Variants in PTPRD observed in about 807,000 individuals in gnomAD.
PTPRD encodes the protein protein tyrosine phosphatase receptor type D.
PTPRD carries 34 observed loss-of-function variants against 214.5 expected under a neutral mutation model. That is an observed-to-expected ratio of 0.16 (90% CI 0.12 to 0.21). PTPRD has a LOEUF of 0.21. PTPRD is among the 10% of genes least tolerant of loss of function. The pLI is 1.00. For missense variants in PTPRD, 2,545 were observed against 2,398.7 expected (o/e 1.06, Z -1.27); for synonymous variants, 1,128 against 845.7 (o/e 1.33, Z -5.79).
In PTPRD at chr9:10,219,413, T is replaced by G. The variant is rs543671929; in HGVS notation, c.-545+121550A>C. 1.1e-4 allele frequency among the ~76,000 whole-genome samples: 16 copies of G among 151,948 alleles called. No individual in the cohort carries two copies. In the South Asian group the frequency reaches 3.3e-3, roughly 31 times the overall value. ...AAGATTCTTTTTCCAGCCTGAGATT[T>G]GGGAGTTAATTTCTATTCATGCTGA... On this transcript the variant is annotated intron_variant, in intron 3 of 45. Coordinates refer to ENST00000381196, the MANE Select transcript of PTPRD (RefSeq NM_002839.4).
chr9:9,739,663 C>T, intron 6 of PTPRD, among the ~76,000 whole-genome samples: 1 of 151,336 alleles, frequency 6.6e-6, no homozygotes. Context: ...TGTTGATCCC[C>T]TCTGTTGTAT....
chr9:9,477,232 A>G (rs557646864), intron 8 of PTPRD, among the ~76,000 whole-genome samples: 69 of 152,332 alleles, frequency 4.5e-4, no homozygotes, highest in Non-Finnish European at 7.6e-4. Context: ...CTACTATTCA[A>G]CTGTAGTCAT....
At chr9:10,574,034 C>T (rs774635492) in intron 2 of PTPRD, among the ~76,000 whole-genome samples, 1 of 151,922 alleles carries the variant, frequency 6.6e-6, no homozygotes. Context: ...GGAAGAATTC[C>T]GAATGTTAAA....
chr9:9,270,705 T>C (rs2132758001), intron 9 of PTPRD, among the ~76,000 whole-genome samples: 1 of 151,522 alleles, frequency 6.6e-6, no homozygotes, highest in Non-Finnish European at 1.5e-5. Flanking sequence ...GGCTACTGTG[T>C]GTAGAATGGT....
At chr9:9,926,054 T>A (rs574158061) in intron 5 of PTPRD, among the ~76,000 whole-genome samples, 7 of 152,100 alleles carry the variant, frequency 4.6e-5, no homozygotes, top group Non-Finnish European at 8.8e-5. Context: ...TGGTCTAGAC[T>A]CCCAGGCTCA....
At chr9:10,074,585 T>G (rs981398059) in intron 3 of PTPRD, among the ~76,000 whole-genome samples, 7 of 152,156 alleles carry the variant, frequency 4.6e-5, no homozygotes, top group African/African-American at 1.7e-4. Flanking sequence ...CTATTTTCAC[T>G]TGATTTCATG....
At chr9:9,118,573 C>T (rs1187765996) in intron 10 of PTPRD, among the ~76,000 whole-genome samples, 17 of 152,098 alleles carry the variant, frequency 1.1e-4, no homozygotes, top group Admixed American at 1.1e-3. Flanking sequence ...CTGGAATCTT[C>T]CAGCATTACT....
chr9:10,452,482 CTTG>C (rs1217540611), intron 2 of PTPRD, among the ~76,000 whole-genome samples: 1 of 151,674 alleles, frequency 6.6e-6, no homozygotes, highest in Non-Finnish European at 1.5e-5. Context: ...CTCACCAAAA[CTTG>C]TTATCTTCTT....
chr9:10,335,692 A>G (rs77825208), intron 3 of PTPRD, among the ~76,000 whole-genome samples: 121 of 151,906 alleles, frequency 8.0e-4, no homozygotes, highest in Middle Eastern at 3.4e-3. Flanking sequence ...TGTAAAAGAG[A>G]TATCTGACAA....
At chr9:10,277,154 T>C (rs1362154771) in intron 3 of PTPRD, among the ~76,000 whole-genome samples, 2 of 152,082 alleles carry the variant, frequency 1.3e-5, no homozygotes, top group African/African-American at 4.8e-5. Flanking sequence ...TTAAGTCTTA[T>C]AAACTTGATC....
intron 3 of PTPRD, among the ~76,000 whole-genome samples, chr9:10,053,386 G>C (rs1348883981): frequency 1.3e-5 from 2 of 152,118 alleles, no homozygotes; most frequent in Admixed American, 6.6e-5. Flanking sequence ...ATGGATATCA[G>C]TAGGTTTTAC....
chr9:10,543,697 T>C (rs1475782537), intron 2 of PTPRD, among the ~76,000 whole-genome samples: 1 of 152,228 alleles, frequency 6.6e-6, no homozygotes, highest in Admixed American at 6.5e-5. Flanking sequence ...TCTAAGCTTT[T>C]GCAACATAAC....
At chr9:8,544,303 A>C (rs1487215314) in intron 14 of PTPRD, among the ~76,000 whole-genome samples, 1 of 150,622 alleles carries the variant, frequency 6.6e-6, no homozygotes, top group Non-Finnish European at 1.5e-5. Context: ...AGTGATCTCG[A>C]ACTCCCAACC....
At chr9:10,529,141 C>A (rs2055283170) in intron 2 of PTPRD, among the ~76,000 whole-genome samples, 2 of 152,080 alleles carry the variant, frequency 1.3e-5, no homozygotes, top group African/African-American at 4.8e-5. Flanking sequence ...ATTCACATAT[C>A]TCTTTTAAAT....
chr9:10,213,158 C>A (rs2099524885), intron 3 of PTPRD, among the ~76,000 whole-genome samples: 1 of 152,022 alleles, frequency 6.6e-6, no homozygotes, highest in African/African-American at 2.4e-5. Flanking sequence ...TTTAACAAAA[C>A]AGTTTTCTTT....
At chr9:8,612,931 A>G (rs1035125351) in intron 14 of PTPRD, among the ~76,000 whole-genome samples, 1 of 152,200 alleles carries the variant, frequency 6.6e-6, no homozygotes, top group Non-Finnish European at 1.5e-5. Context: ...TGGCATTGTT[A>G]TGAACTACTA....
intron 21 of PTPRD, among the ~76,000 whole-genome samples, chr9:8,517,427 A>C (rs1021748180): frequency 3.9e-5 from 6 of 152,216 alleles, no homozygotes; most frequent in Non-Finnish European, 7.3e-5. Context: ...AGCCATTTAA[A>C]TACCCAAGGC....
At chr9:8,689,665 T>C (rs1003817819) in intron 12 of PTPRD, among the ~76,000 whole-genome samples, 5 of 152,172 alleles carry the variant, frequency 3.3e-5, no homozygotes, top group African/African-American at 4.8e-5. Context: ...ATGGGAATTA[T>C]AGGAGTACAA....
intron 5 of PTPRD, among the ~76,000 whole-genome samples, chr9:9,782,407 T>G (rs2098856557): frequency 6.6e-6 from 1 of 152,210 alleles, no homozygotes; most frequent in African/African-American, 2.4e-5. Flanking sequence ...ATTGACAGTC[T>G]GTCAATTGGA....
Sources: gnomAD v4.1 joint callset for allele counts (sites outside exome capture counted in the v4.1 genomes callset) on GRCh38, gnomAD v4.1.1 for gene constraint, MANE v1.5 for transcripts, NCBI Gene and HGNC (gene_info 2026-07-23, HGNC 2026-07-21) for gene names.